GRIN2A: variants seen among roughly 807,000 people sequenced by gnomAD.
GRIN2A encodes glutamate receptor ionotropic, NMDA 2A.
A neutral mutation model predicts 113.4 loss-of-function variants in GRIN2A; 22 were observed. The observed-to-expected ratio is 0.19, with a 90% confidence interval of 0.14 to 0.28. GRIN2A has a LOEUF of 0.28. Ranked by LOEUF, GRIN2A falls within the 10% of genes least tolerant of loss-of-function variation. The pLI is 1.00. For synonymous variants in GRIN2A, 827 were observed against 738.4 expected, an observed-to-expected ratio of 1.12 and a Z score of -1.94; for missense variants, 1,502 against 1,887.0, an observed-to-expected ratio of 0.80 and a Z score of 3.78.
At chr16:9,870,296 G>C (rs916153839) in intron 4 of GRIN2A, among the ~76,000 whole-genome samples, 1 of 152,006 alleles carries the variant, frequency 6.6e-6, no homozygotes, top group Non-Finnish European at 1.5e-5. Context: ...TTGGATCCTT[G>C]TGTCAAACAG....
At chr16:10,099,087 T>C (rs1018106592) in intron 2 of GRIN2A, among the ~76,000 whole-genome samples, 11 of 152,344 alleles carry the variant, frequency 7.2e-5, no homozygotes, top group African/African-American at 2.2e-4. Flanking sequence ...TAGAGGAATT[T>C]AGATCACAGC....
intron 2 of GRIN2A, among the ~76,000 whole-genome samples, chr16:10,120,983 C>T (rs902948703): frequency 2.0e-5 from 3 of 152,108 alleles, no homozygotes; most frequent in Admixed American, 6.5e-5. Flanking sequence ...ACTGAAAAAT[C>T]CTATTCTATT....
At position 9,769,148 on chromosome 16, in the gene GRIN2A, C is replaced by T. The variant is rs537936039; in HGVS notation, c.2357-59G>A. 26 of 1,329,086 alleles carry T rather than the reference C, an allele frequency of 2.0e-5. No homozygotes were observed. The East Asian group carries it at 2.1e-4, about 11-fold the overall frequency. The allele number at this position is 1,329,086 out of a possible 1,614,324, so 82.3% of individuals were successfully genotyped here. On this transcript the variant is annotated intron_variant, in intron 11 of 12. Coordinates refer to ENST00000330684, the MANE Select transcript of GRIN2A (RefSeq NM_001134407.3). Reference sequence around the variant, plus strand: ...ACCAGAACATGCACTTTGGGGCAGACGCTTCTGGGTTTGGAACAGACGATG... The same window carrying T: ...ACCAGAACATGCACTTTGGGGCAGATGCTTCTGGGTTTGGAACAGACGATG...
chr16:10,126,995 AAAGCC>A (rs2048953253), intron 2 of GRIN2A, among the ~76,000 whole-genome samples: 1 of 152,184 alleles, frequency 6.6e-6, no homozygotes, highest in Non-Finnish European at 1.5e-5. Context: ...TAAGCCAGTG[AAAGCC>A]AATGCTCACA....
At chr16:9,884,722 AAGTGAGAAATTCTC>A (rs2141464836) in intron 4 of GRIN2A, among the ~76,000 whole-genome samples, 1 of 150,784 alleles carries the variant, frequency 6.6e-6, no homozygotes, top group East Asian at 2.0e-4. Context: ...GAATTTCTCT[AAGTGAGAAATTCTC>A]ACTTAGAGAA....
chr16:9,953,737 T>A (rs1210627135), intron 2 of GRIN2A, among the ~76,000 whole-genome samples: 1 of 152,112 alleles, frequency 6.6e-6, no homozygotes, highest in Non-Finnish European at 1.5e-5. Flanking sequence ...GTAGAGAGCT[T>A]GAAGACGAAG....
At chr16:9,781,930 G>A (rs1350430538) in intron 11 of GRIN2A, among the ~76,000 whole-genome samples, 1 of 152,150 alleles carries the variant, frequency 6.6e-6, no homozygotes, top group Non-Finnish European at 1.5e-5. Flanking sequence ...AAAGCAGATA[G>A]TATAGTTACA....
At position 10,042,886 on chromosome 16, in the gene GRIN2A, C is replaced by G. The variant is rs925047913; in HGVS notation, c.415-104335G>C. Among the ~76,000 whole-genome samples, 3 of 152,176 alleles carry G rather than the reference C, an allele frequency of 2.0e-5. No homozygotes were observed. The East Asian group carries it at 5.8e-4, about 29-fold the overall frequency. On this transcript the variant is annotated intron_variant, in intron 2 of 12. Coordinates refer to ENST00000330684, the MANE Select transcript of GRIN2A (RefSeq NM_001134407.3). Reference sequence around the variant, plus strand: ...CTTTTGGAACCAGCCTATGAGTAGACTCAACACTAAGGATGGTAGAACAGA... The same window carrying G: ...CTTTTGGAACCAGCCTATGAGTAGAGTCAACACTAAGGATGGTAGAACAGA...
rs1325720188 is a variant in GRIN2A, at chr16:9,757,998, T to C, written c.*5151A>G. Reference sequence around the variant, plus strand: ...GAAATAAGTCAGCCCGGTCAGAGAATCGAGCCAGAAATTGAACCATGTCTT... The same window carrying C: ...GAAATAAGTCAGCCCGGTCAGAGAACCGAGCCAGAAATTGAACCATGTCTT... On this transcript the variant is annotated 3_prime_UTR_variant, in exon 13 of 13. Coordinates refer to ENST00000330684, the MANE Select transcript of GRIN2A (RefSeq NM_001134407.3). 2 of 217,486 alleles carry C rather than the reference T, an allele frequency of 9.2e-6. No homozygotes were observed. The highest frequency in any genetic ancestry group is 1.8e-5 in the Non-Finnish European group (2 of 108,114). 13.5% of individuals were successfully genotyped at this position (217,486 alleles called of 1,614,324 possible).
chr16:9,940,299 A>T (rs1285283908), intron 2 of GRIN2A, among the ~76,000 whole-genome samples: 1 of 152,204 alleles, frequency 6.6e-6, no homozygotes, highest in East Asian at 1.9e-4. Context: ...AAGGCAGAGA[A>T]GAAACAAGAA....
chr16:10,068,819 C>A (rs113058524), intron 2 of GRIN2A, among the ~76,000 whole-genome samples: 7 of 152,058 alleles, frequency 4.6e-5, no homozygotes, highest in Non-Finnish European at 5.9e-5. Context: ...TCTGGGGAAG[C>A]GACATTGAAG....
rs563160768 is a variant in GRIN2A, at chr16:9,832,192, G to T, written c.1777+1913C>A. On this transcript the variant is annotated intron_variant, in intron 8 of 12. Coordinates refer to ENST00000330684, the MANE Select transcript of GRIN2A (RefSeq NM_001134407.3). Reference sequence around the variant, plus strand: ...GCTGGTCTCAAACTCCTGACCTCAGGCAATTCTCCTGCCTTGGCCTCAAAA... The same window carrying T: ...GCTGGTCTCAAACTCCTGACCTCAGTCAATTCTCCTGCCTTGGCCTCAAAA... 1.1e-4 allele frequency among the ~76,000 whole-genome samples: 16 copies of T among 151,606 alleles called. No individual in the cohort carries two copies. In the East Asian group the frequency reaches 2.9e-3, roughly 28 times the overall value.
intron 2 of GRIN2A, among the ~76,000 whole-genome samples, chr16:10,058,384 A>T (rs1418820962): frequency 6.6e-6 from 1 of 152,266 alleles, no homozygotes; most frequent in African/African-American, 2.4e-5. Flanking sequence ...GTTTTAAAAC[A>T]AACTTGTGTT....
intron 2 of GRIN2A, among the ~76,000 whole-genome samples, chr16:10,107,548 C>G (rs1415040118): frequency 2.0e-5 from 3 of 152,224 alleles, no homozygotes; most frequent in Admixed American, 2.0e-4. Flanking sequence ...GCAAATAGCA[C>G]AGTTTCATGT....
chr16:9,813,064 C>A (rs1032276785), intron 10 of GRIN2A, among the ~76,000 whole-genome samples: 2 of 152,260 alleles, frequency 1.3e-5, no homozygotes, highest in African/African-American at 4.8e-5. Flanking sequence ...GGACGACATT[C>A]TCCACAAGCT....
chr16:9,835,436 C>G (rs1057028644), intron 7 of GRIN2A, among the ~76,000 whole-genome samples: 3 of 152,076 alleles, frequency 2.0e-5, no homozygotes, highest in Non-Finnish European at 4.4e-5. Flanking sequence ...AATAAGATTA[C>G]TATTCAACTT....
chr16:9,814,386 A>G (rs2042147325), intron 10 of GRIN2A, among the ~76,000 whole-genome samples: 1 of 152,126 alleles, frequency 6.6e-6, no homozygotes, highest in African/African-American at 2.4e-5. Flanking sequence ...CTTAAAAGGG[A>G]TATTAATGGT....
At chr16:9,962,103 A>T (rs2045454501) in intron 2 of GRIN2A, among the ~76,000 whole-genome samples, 1 of 152,212 alleles carries the variant, frequency 6.6e-6, no homozygotes, top group African/African-American at 2.4e-5. Flanking sequence ...CCTTATACAA[A>T]AATTAATCCA....
intron 2 of GRIN2A, among the ~76,000 whole-genome samples, chr16:10,004,110 G>A (rs1057356994): frequency 4.6e-5 from 7 of 152,112 alleles, no homozygotes; most frequent in Non-Finnish European, 8.8e-5. Flanking sequence ...GGACAATTAG[G>A]CCCGGCATGG....
Sources: allele counts gnomAD v4.1 joint callset (sites outside exome capture counted in the v4.1 genomes callset), GRCh38; gene constraint gnomAD v4.1.1; transcripts MANE v1.5; gene names NCBI Gene and HGNC (gene_info 2026-07-23, HGNC 2026-07-21).